The following CFTR variants were observed in gnomAD, a reference collection of about 807,000 sequenced individuals.
The protein encoded by CFTR is cystic fibrosis transmembrane conductance regulator.
Under a neutral mutation model 171.6 loss-of-function variants are expected in CFTR, and 181 were observed. That is an observed-to-expected ratio of 1.05 (90% CI 0.93 to 1.19). CFTR has a LOEUF of 1.19. Ranked by LOEUF, CFTR falls within the 50% of genes most tolerant of loss-of-function variation. The pLI is 0.00. For synonymous variants in CFTR, 583 were observed against 608.0 expected, an observed-to-expected ratio of 0.96 and a Z score of 0.60; for missense variants, 1,968 against 1,734.7, an observed-to-expected ratio of 1.13 and a Z score of -2.39.
intron 10 of CFTR, among the ~76,000 whole-genome samples, chr7:117,554,416 G>T (rs213948): frequency 5.3e-5 from 8 of 152,072 alleles, no homozygotes; most frequent in Non-Finnish European, 1.2e-4. Context: ...TAAATGTGCC[G>T]TTTACTAGAA....
At chr7:117,511,584 C>G (rs975020584) in intron 3 of CFTR, among the ~76,000 whole-genome samples, 8 of 152,028 alleles carry the variant, frequency 5.3e-5, no homozygotes, top group African/African-American at 1.9e-4. Flanking sequence ...AGTAAAGGAT[C>G]CTGGGGGAAG....
At chr7:117,561,369 G>GT (rs558161380) in intron 11 of CFTR, among the ~76,000 whole-genome samples, 8 of 151,860 alleles carry the variant, frequency 5.3e-5, no homozygotes, top group Admixed American at 3.3e-4. Context: ...ACAATTCAGT[G>GT]TTTTTTTAGC....
At chr7:117,509,837 G>C (rs537803888) in intron 3 of CFTR, among the ~76,000 whole-genome samples, 1 of 152,118 alleles carries the variant, frequency 6.6e-6, no homozygotes, top group African/African-American at 2.4e-5. Flanking sequence ...CCTATAAAAG[G>C]AGACAGATTC....
chr7:117,543,066 C>T (rs544278070), intron 9 of CFTR, among the ~76,000 whole-genome samples: 12 of 152,276 alleles, frequency 7.9e-5, no homozygotes, highest in African/African-American at 2.9e-4. Context: ...GATTTTTAGT[C>T]TCTGAAGTGC....
At chr7:117,615,337 TAG>T (rs979990112) in intron 21 of CFTR, among the ~76,000 whole-genome samples, 5 of 152,014 alleles carry the variant, frequency 3.3e-5, no homozygotes, top group Admixed American at 6.6e-5. Context: ...GCTTGGCTTA[TAG>T]AGTCTTTTGA....
chr7:117,570,379 G>A (rs1053623141), intron 11 of CFTR, among the ~76,000 whole-genome samples: 1 of 152,116 alleles, frequency 6.6e-6, no homozygotes, highest in Non-Finnish European at 1.5e-5. Context: ...TGTAGCACAG[G>A]AAAGGGCCTG....
intron 10 of CFTR, among the ~76,000 whole-genome samples, chr7:117,549,404 T>TA (rs1467194392): frequency 6.6e-6 from 1 of 152,138 alleles, no homozygotes; most frequent in Non-Finnish European, 1.5e-5. Context: ...TATTTGGAGA[T>TA]ACATCTGAAA....
chr7:117,613,890 A>G (rs1474603758), intron 20 of CFTR, among the ~76,000 whole-genome samples: 1 of 151,478 alleles, frequency 6.6e-6, no homozygotes, highest in Non-Finnish European at 1.5e-5. Flanking sequence ...GAGAATTTCT[A>G]TGGCCATAAT....
At chr7:117,645,406 G>T (rs1221112325) in intron 23 of CFTR, among the ~76,000 whole-genome samples, 1 of 152,124 alleles carries the variant, frequency 6.6e-6, no homozygotes, top group East Asian at 1.9e-4. Context: ...AGAGATCAAA[G>T]GAAGAAAGGA....
At chr7:117,510,451 A>G (rs774828330) in intron 3 of CFTR, among the ~76,000 whole-genome samples, 9 of 152,136 alleles carry the variant, frequency 5.9e-5, no homozygotes, top group Non-Finnish European at 1.0e-4. Flanking sequence ...TCAATAAGTG[A>G]TTGTTGGATT....
At chr7:117,500,541 C>A (rs1159687105) in intron 1 of CFTR, among the ~76,000 whole-genome samples, 1 of 151,962 alleles carries the variant, frequency 6.6e-6, no homozygotes, top group African/African-American at 2.4e-5. Context: ...CCACCCACCT[C>A]GGCCTCCCAA....
intron 25 of CFTR, 108 bp downstream of exon 25, chr7:117,664,968 G>T (rs1436480638): frequency 1.7e-6 from 2 of 1,188,946 alleles, no homozygotes; most frequent in East Asian, 4.7e-5. Context: ...GCGTGTGGGG[G>T]TCTCCCCCAA....
At chr7:117,560,048 A>G (rs991255884) in intron 11 of CFTR, among the ~76,000 whole-genome samples, 2 of 152,044 alleles carry the variant, frequency 1.3e-5, no homozygotes, top group African/African-American at 4.8e-5. Flanking sequence ...AAAAATTATT[A>G]AGATTATTTT....
At chr7:117,666,628 C>T (rs966743655) in intron 26 of CFTR, among the ~76,000 whole-genome samples, 3 of 152,090 alleles carry the variant, frequency 2.0e-5, no homozygotes, top group Non-Finnish European at 2.9e-5. Flanking sequence ...TATAAGGGAC[C>T]TAATATTTTG....
intron 10 of CFTR, among the ~76,000 whole-genome samples, chr7:117,552,523 T>C (rs564714654): frequency 2.0e-5 from 3 of 152,096 alleles, no homozygotes; most frequent in African/African-American, 4.8e-5. Flanking sequence ...TTTGAATATA[T>C]TTCAGGTGAT....
At chr7:117,651,065 G>T (rs1043508851) in intron 23 of CFTR, among the ~76,000 whole-genome samples, 2 of 152,146 alleles carry the variant, frequency 1.3e-5, no homozygotes, top group Non-Finnish European at 2.9e-5. Flanking sequence ...TACCTCATGA[G>T]GTTGACATGA....
chr7:117,580,807 A>G (rs213955), intron 11 of CFTR, among the ~76,000 whole-genome samples: 58,289 of 151,974 alleles, frequency 0.38, 15,116 homozygotes, highest in African/African-American at 0.73. Flanking sequence ...TTATCGAGAC[A>G]GTTACTGTGG....
chr7:117,484,849 A>T (rs1309491851), intron 1 of CFTR, among the ~76,000 whole-genome samples: 1 of 152,022 alleles, frequency 6.6e-6, no homozygotes, highest in Non-Finnish European at 1.5e-5. Context: ...TAATCACTTG[A>T]TTCAAGTAAT....
intron 4 of CFTR, among the ~76,000 whole-genome samples, chr7:117,531,571 CTTATT>C (rs1798867416): frequency 6.6e-6 from 1 of 152,166 alleles, no homozygotes; most frequent in East Asian, 1.9e-4. Context: ...TATCCACCGC[CTTATT>C]TTGAGTTGGA....
Sources: allele counts gnomAD v4.1 joint callset (sites outside exome capture counted in the v4.1 genomes callset), GRCh38; gene constraint gnomAD v4.1.1; transcripts MANE v1.5; gene names NCBI Gene and HGNC (gene_info 2026-07-23, HGNC 2026-07-21).